PCDHA8: variants seen among roughly 807,000 people sequenced by gnomAD.
PCDHA8 encodes protocadherin alpha-8.
A neutral mutation model predicts 61.8 loss-of-function variants in PCDHA8; 53 were observed. The ratio of observed to expected loss-of-function variants is 0.86; its 90% CI spans 0.69 to 1.08. PCDHA8 has a LOEUF of 1.08. Among genes scored for constraint, PCDHA8 ranks in the 50% least tolerant of loss-of-function variants. The pLI is 0.00. For synonymous variants in PCDHA8, 618 were observed against 556.6 expected (o/e 1.11, Z -1.55); for missense variants, 1,293 against 1,245.0 (o/e 1.04, Z -0.58).
chr5:140,986,074 T>C (rs1342378005), intron 3 of PCDHA8, among the ~76,000 whole-genome samples: 1 of 152,124 alleles, frequency 6.6e-6, no homozygotes, highest in African/African-American at 2.4e-5. Context: ...AAAGAAACTG[T>C]TCATTTATTT....
Position 140,857,922 on chromosome 5 carries a change from T to C in PCDHA8, c.2394+14207T>C, listed in dbSNP as rs782519535. On this transcript the variant is annotated intron_variant, in intron 1 of 3. Coordinates refer to ENST00000531613, the MANE Select transcript of PCDHA8 (RefSeq NM_018911.3). Reference sequence around the variant, plus strand: ...GCACGCATCCCGTTTCGCGTGGGGCTGTACACGGGCGAGATCAGTACGACG... The same window carrying C: ...GCACGCATCCCGTTTCGCGTGGGGCCGTACACGGGCGAGATCAGTACGACG... The C allele has an allele frequency of 1.9e-6, 3 of 1,597,722 alleles. No homozygotes were observed. The South Asian group carries it at 3.3e-5, about 18-fold the overall frequency.
chr5:140,910,652 T>C (rs2075120001), intron 1 of PCDHA8, among the ~76,000 whole-genome samples: 1 of 152,204 alleles, frequency 6.6e-6, no homozygotes, highest in Non-Finnish European at 1.5e-5. Flanking sequence ...TTTTGATCCC[T>C]TCCTCTACAT....
intron 1 of PCDHA8, among the ~76,000 whole-genome samples, chr5:140,913,414 CA>C: frequency 6.6e-6 from 1 of 152,102 alleles, no homozygotes; most frequent in African/African-American, 2.4e-5. Context: ...TGAATTCCTG[CA>C]GTATCAGTTG....
At chr5:140,863,561 A>G (rs1581693390) in intron 1 of PCDHA8, 1 of 376,820 alleles carries the variant, frequency 2.7e-6, no homozygotes. Flanking sequence ...GAAATTTTTG[A>G]GAATATAAGT....
chr5:140,936,337 C>G (rs1226552278), intron 1 of PCDHA8, among the ~76,000 whole-genome samples: 17 of 152,160 alleles, frequency 1.1e-4, no homozygotes, highest in Non-Finnish European at 1.5e-5. Context: ...TTTTCTCTAT[C>G]TGCATATATG....
chr5:140,916,090 G>A (rs1464191226), intron 1 of PCDHA8, among the ~76,000 whole-genome samples: 1 of 152,160 alleles, frequency 6.6e-6, no homozygotes, highest in African/African-American at 2.4e-5. Context: ...TGGTCCACAG[G>A]GAATCTGCCT....
At chr5:140,927,741 C>T (rs782292892) in intron 1 of PCDHA8, 1 of 1,614,244 alleles carries the variant, frequency 6.2e-7, no homozygotes, top group East Asian at 2.2e-5. Flanking sequence ...TGCGACACCG[C>T]TTTCACGTGC....
chr5:140,981,698 A>C (rs1414640370), intron 2 of PCDHA8, among the ~76,000 whole-genome samples: 1 of 151,174 alleles, frequency 6.6e-6, no homozygotes, highest in Non-Finnish European at 1.5e-5. Context: ...TCATTCATTC[A>C]TTCATTCATT....
At chr5:140,967,481 G>C (rs1554229603) in intron 1 of PCDHA8, 2 of 1,613,426 alleles carry the variant, frequency 1.2e-6, no homozygotes, top group Admixed American at 1.7e-5. Flanking sequence ...AGCCCGCTCG[G>C]GTACGGCACA....
chr5:140,928,401 C>T, intron 1 of PCDHA8: 1 of 1,614,028 alleles, frequency 6.2e-7, no homozygotes, highest in Non-Finnish European at 8.5e-7. Flanking sequence ...TGGAATCATC[C>T]AGTGGGGCCA....
intron 1 of PCDHA8, among the ~76,000 whole-genome samples, chr5:140,944,214 G>T (rs72801002): frequency 0.015 from 2,290 of 152,232 alleles, 30 homozygotes; most frequent in Non-Finnish European, 0.021. Context: ...TTTAAAGAGG[G>T]TTTTACTCTG....
intron 1 of PCDHA8, chr5:140,967,662 A>G: frequency 6.2e-7 from 1 of 1,614,192 alleles, no homozygotes; most frequent in Non-Finnish European, 8.5e-7. Context: ...TTGAGCAGCT[A>G]CACGTCGGAC....
intron 1 of PCDHA8, among the ~76,000 whole-genome samples, chr5:140,934,604 G>C (rs1389000917): frequency 6.6e-6 from 1 of 151,762 alleles, no homozygotes; most frequent in Non-Finnish European, 1.5e-5. Context: ...TCAACTATTT[G>C]ATTAGCCTGA....
At chr5:140,979,843 A>G (rs1373380351) in intron 2 of PCDHA8, among the ~76,000 whole-genome samples, 1 of 152,246 alleles carries the variant, frequency 6.6e-6, no homozygotes, top group African/African-American at 2.4e-5. Context: ...TAATCTTCAA[A>G]CTTAAGCCCC....
chr5:140,989,728 A>T (rs1453115061), intron 3 of PCDHA8, among the ~76,000 whole-genome samples: 6 of 152,184 alleles, frequency 3.9e-5, no homozygotes, highest in Admixed American at 3.9e-4. Flanking sequence ...TTGCAGTTGA[A>T]AAGGCCATTG....
intron 1 of PCDHA8, among the ~76,000 whole-genome samples, chr5:140,922,233 A>T (rs1226444776): frequency 6.6e-6 from 1 of 152,220 alleles, no homozygotes; most frequent in Non-Finnish European, 1.5e-5. Flanking sequence ...CTCAACCATG[A>T]TGTGTATGAA....
chr5:140,978,140 T>C (rs1379052059), intron 1 of PCDHA8, among the ~76,000 whole-genome samples: 2 of 152,222 alleles, frequency 1.3e-5, no homozygotes, highest in Non-Finnish European at 2.9e-5. Flanking sequence ...ATTTTCCTCT[T>C]TGTTCTCCCC....
In PCDHA8 at chr5:140,993,459, T is replaced by TTC. The variant is rs202191067; in HGVS notation, c.2542+10899_2542+10900dup. 1.1e-4 allele frequency among the ~76,000 whole-genome samples: 9 copies of TTC among 83,038 alleles called. No individual in the cohort carries two copies. The East Asian group carries it at 1.5e-3, about 13-fold the overall frequency. 54.5% of individuals were successfully genotyped at this position (83,038 alleles called of 152,430 possible). Reference sequence around the variant, plus strand: ...ATTCATTCCTGTTCTCCTTCTTTCTTTCTCACACACACACACACACACACA... The same window carrying TTC: ...ATTCATTCCTGTTCTCCTTCTTTCTTTCTCTCACACACACACACACACACACA... On this transcript the variant is annotated intron_variant, in intron 3 of 3. Coordinates refer to ENST00000531613, the MANE Select transcript of PCDHA8 (RefSeq NM_018911.3).
chr5:140,972,479 C>G (rs782631191), intron 1 of PCDHA8, among the ~76,000 whole-genome samples: 1 of 151,994 alleles, frequency 6.6e-6, no homozygotes, highest in Non-Finnish European at 1.5e-5. Flanking sequence ...CAGCATTTAA[C>G]CCCAGACTCT....
Sources: allele counts gnomAD v4.1 joint callset (sites outside exome capture counted in the v4.1 genomes callset), GRCh38; gene constraint gnomAD v4.1.1; transcripts MANE v1.5; gene names NCBI Gene and HGNC (gene_info 2026-07-23, HGNC 2026-07-21).